The following RB1CC1 variants were observed in gnomAD, a reference collection of about 807,000 sequenced individuals.
RB1CC1 encodes RB1-inducible coiled-coil protein 1.
Under a neutral mutation model 177.5 loss-of-function variants are expected in RB1CC1, and 46 were observed. That is an observed-to-expected ratio of 0.26 (90% CI 0.20 to 0.33). The LOEUF is 0.33. RB1CC1 is among the 10% of genes least tolerant of loss of function. The pLI, the probability that RB1CC1 is intolerant of heterozygous loss-of-function variation, is 1.00. For synonymous variants in RB1CC1, 666 were observed against 613.6 expected (o/e 1.09, Z -1.26); for missense variants, 1,703 against 1,816.3 (o/e 0.94, Z 1.13).
chr8:52,705,172 T>A (rs1856440248), intron 1 of RB1CC1, among the ~76,000 whole-genome samples: 1 of 152,180 alleles, frequency 6.6e-6, no homozygotes, highest in Non-Finnish European at 1.5e-5. Context: ...TTAGTAGGAA[T>A]CATGATGCAT....
At chr8:52,684,796 G>A (rs1854102974) in intron 3 of RB1CC1, among the ~76,000 whole-genome samples, 1 of 152,102 alleles carries the variant, frequency 6.6e-6, no homozygotes, top group Admixed American at 6.5e-5. Flanking sequence ...AATAGCAATT[G>A]ACTATAGGTA....
chr8:52,696,429 C>T (rs977866470), intron 1 of RB1CC1, among the ~76,000 whole-genome samples: 5 of 152,088 alleles, frequency 3.3e-5, no homozygotes, highest in Non-Finnish European at 7.3e-5. Context: ...AAGCCTGGAA[C>T]ATCTTAATAT....
chr8:52,704,077 AC>A (rs1244135224), intron 1 of RB1CC1, among the ~76,000 whole-genome samples: 2 of 152,190 alleles, frequency 1.3e-5, no homozygotes, highest in Non-Finnish European at 2.9e-5. Context: ...GTAACCAAGT[AC>A]ATATTTGGTC....
chr8:52,694,083 C>T (rs934215384), intron 1 of RB1CC1, among the ~76,000 whole-genome samples: 5 of 152,146 alleles, frequency 3.3e-5, no homozygotes, highest in Admixed American at 6.5e-5. Flanking sequence ...ACCTACCTAT[C>T]GTAGCCAAGA....
chr8:52,668,164 T>C lies in RB1CC1; in HGVS notation c.1030A>G (p.Ile344Val). 6.2e-7 allele frequency: 1 copy of C among 1,613,926 alleles called. No individual in the cohort carries two copies. Among genetic ancestry groups the C allele is most frequent in the Non-Finnish European group, 8.5e-7 (1 of 1,179,972 alleles). The change falls in exon 8 of 24, where the codon ATA (isoleucine) becomes GTA (valine). Residue 344 changes from isoleucine to valine, a missense_variant. By Grantham distance (29) the Ile-to-Val change is conservative. This residue lies in a region of RB1CC1 where 315 missense variants were observed against 304.9 expected (regional missense o/e 1.03). Transcript: ENST00000025008. ...RLDPRIIRPF[I>V]AECRQTIAKL... ...GCAATAGTTTGACGGCATTCTGCTA[T>C]AAATGGTCGAATAATCCTTGGATCA...
At chr8:52,666,871 T>C (rs894924249) in intron 8 of RB1CC1, among the ~76,000 whole-genome samples, 3 of 152,000 alleles carry the variant, frequency 2.0e-5, no homozygotes, top group Non-Finnish European at 4.4e-5. Context: ...CAAGTGTAAA[T>C]GAAACGGATA....
rs374424769 is a variant in RB1CC1 at position 52,632,681 on chromosome 8, TGAAAA to T, written c.4441-2158_4441-2154del. Reference sequence around the variant, plus strand: ...TGGGTCTGAAAGACAATTTATTCTGTGAAAAGAAAATAAATCTTGGGAACCAAAAA... The same window carrying T: ...TGGGTCTGAAAGACAATTTATTCTGTGAAAATAAATCTTGGGAACCAAAAA... On this transcript the variant is annotated intron_variant, in intron 20 of 23. Transcript: ENST00000025008. Among the ~76,000 whole-genome samples, 82 of 152,204 alleles carry T rather than the reference TGAAAA, an allele frequency of 5.4e-4. 1 individual carries two copies. The East Asian group carries it at 7.2e-3, about 13-fold the overall frequency.
chr8:52,680,410 T>C (rs1276539388), intron 5 of RB1CC1, among the ~76,000 whole-genome samples: 1 of 152,140 alleles, frequency 6.6e-6, no homozygotes. Flanking sequence ...AGAATTACCA[T>C]GTAAATGATA....
chr8:52,637,546 T>C (rs1331311005), intron 18 of RB1CC1, among the ~76,000 whole-genome samples: 1 of 152,220 alleles, frequency 6.6e-6, no homozygotes, highest in African/African-American at 2.4e-5. Context: ...CCAACATTAC[T>C]GAACTAGTTT....
chr8:52,685,338 T>A, intron 3 of RB1CC1, 61 bp downstream of exon 3: 2 of 1,255,116 alleles, frequency 1.6e-6, no homozygotes, highest in Non-Finnish European at 2.3e-6. Context: ...TAGAATAATA[T>A]TTCTTTAACT....
intron 15 of RB1CC1, among the ~76,000 whole-genome samples, chr8:52,655,231 A>G (rs1850975979): frequency 6.6e-6 from 1 of 152,310 alleles, no homozygotes; most frequent in Admixed American, 6.5e-5. Flanking sequence ...TATAGAGCAG[A>G]CAATCACAAG....
At chr8:52,700,123 T>G (rs983316257) in intron 1 of RB1CC1, among the ~76,000 whole-genome samples, 3 of 151,988 alleles carry the variant, frequency 2.0e-5, no homozygotes, top group African/African-American at 7.3e-5. Context: ...TCCCTCTACC[T>G]ATTCCTCACA....
chr8:52,678,224 C>G (rs1563427231), intron 5 of RB1CC1, among the ~76,000 whole-genome samples: 1 of 152,040 alleles, frequency 6.6e-6, no homozygotes, highest in Non-Finnish European at 1.5e-5. Context: ...TTGAGGTCAG[C>G]CTGGCCAAGA....
At position 52,686,893 on chromosome 8, in the gene RB1CC1, G is replaced by A; in HGVS notation, c.-92C>T. On this transcript the variant is annotated 5_prime_UTR_variant, in exon 2 of 24. Coordinates refer to ENST00000025008, the MANE Select transcript of RB1CC1 (RefSeq NM_014781.5). ...AAAGGACTACCACTTTTCTTAAAAA[G>A]TAGATTAAAACTGGCTTATGTTTGC... is the stretch of plus-strand genomic sequence containing the variant. 4.4e-6 allele frequency: 2 copies of A among 456,554 alleles called. No individual in the cohort carries two copies. Among genetic ancestry groups the A allele is most frequent in the South Asian group, 3.1e-5 (2 of 64,506 alleles). The allele number at this position is 456,554 out of a possible 1,614,324, so 28.3% of individuals were successfully genotyped here.
chr8:52,660,862 A>G (rs1452578086), intron 11 of RB1CC1, 64 bp downstream of exon 11: 1 of 1,396,448 alleles, frequency 7.2e-7, no homozygotes, highest in African/African-American at 1.5e-5. Flanking sequence ...TGCTACAGAA[A>G]ATCCAAGCTT....
In RB1CC1 at chr8:52,657,923, G is replaced by A; in HGVS notation, c.1921-15C>T. On this transcript the variant is annotated splice_polypyrimidine_tract_variant and intron_variant, in intron 14 of 23. Transcript: ENST00000025008. ...CTCACAGATGCCTGGAAAACAGAAAGAAAGGCTTAAAGAGCTGCAGGAACA... is the reference window on the plus strand; with the variant it reads ...CTCACAGATGCCTGGAAAACAGAAAAAAAGGCTTAAAGAGCTGCAGGAACA... 6.2e-7 allele frequency: 1 copy of A among 1,612,638 alleles called. No individual in the cohort carries two copies. The highest frequency in any genetic ancestry group is 8.5e-7 in the Non-Finnish European group (1 of 1,179,238).
chr8:52,643,639 T>C (rs1849760224), intron 16 of RB1CC1, among the ~76,000 whole-genome samples: 1 of 141,670 alleles, frequency 7.1e-6, no homozygotes, highest in Non-Finnish European at 1.5e-5. Flanking sequence ...TAGCATGCCA[T>C]GATTGCACCA....
intron 8 of RB1CC1, among the ~76,000 whole-genome samples, chr8:52,663,430 C>T (rs1426307741): frequency 6.6e-6 from 1 of 151,964 alleles, no homozygotes; most frequent in Admixed American, 6.6e-5. Context: ...GAAATTACCC[C>T]TTCAAAGGCA....
At position 52,657,837 on chromosome 8, in the gene RB1CC1, A is replaced by G. The variant is rs1242452766; in HGVS notation, c.1992T>C (p.Thr664=). Residue 664 remains threonine, a synonymous_variant, in exon 15 of 24, where the codon ACT becomes ACC. Coordinates refer to ENST00000025008, the MANE Select transcript of RB1CC1 (RefSeq NM_014781.5). The part of the protein sequence containing the change: ...PRMESTAGIT[T]TTSPRTPPPL... ...GTGGAGGAGTTCTCGGTGAGGTAGT[A>G]GTTGTAATTCCTGCTGTACTTTCCA... 1 of 1,613,902 alleles carries G rather than the reference A, an allele frequency of 6.2e-7. No homozygotes were observed. The highest frequency in any genetic ancestry group is 1.3e-5 in the African/African-American group (1 of 74,892).
Sources: gnomAD v4.1 joint callset for allele counts (sites outside exome capture counted in the v4.1 genomes callset) on GRCh38, gnomAD v4.1.1 for gene constraint, gnomAD v4.1.1 regional missense constraint, MANE v1.5 for transcripts, NCBI Gene and HGNC (gene_info 2026-07-23, HGNC 2026-07-21) for gene names.